Variants in TNN observed in about 807,000 individuals in gnomAD.
TNN encodes tenascin N.
A neutral mutation model predicts 134.4 loss-of-function variants in TNN; 122 were observed. That is an observed-to-expected ratio of 0.91 (90% CI 0.78 to 1.06). The LOEUF (loss-of-function observed/expected upper bound fraction) is 1.06, where lower values mean the gene tolerates loss of function less well. Among genes scored for constraint, TNN ranks in the 50% least tolerant of loss-of-function variants. The pLI is 0.00. For missense variants in TNN, 1,739 were observed against 1,699.4 expected (o/e 1.02, Z -0.41); for synonymous variants, 710 against 670.3 (o/e 1.06, Z -0.91).
At chr1:175,105,978 C>T (rs970761954) in intron 9 of TNN, among the ~76,000 whole-genome samples, 1 of 145,664 alleles carries the variant, frequency 6.9e-6, no homozygotes, top group African/African-American at 2.5e-5. Flanking sequence ...AATAGTTGCG[C>T]TCACCGACGC....
intron 12 of TNN, among the ~76,000 whole-genome samples, chr1:175,125,887 TTC>T (rs1235201341): frequency 4.1e-5 from 6 of 144,804 alleles, no homozygotes; most frequent in African/African-American, 1.5e-4. Flanking sequence ...TTTTCTTTTT[TTC>T]TTTCTTTCTC....
intron 9 of TNN, among the ~76,000 whole-genome samples, chr1:175,099,268 T>C (rs1386565388): frequency 6.6e-6 from 1 of 152,224 alleles, no homozygotes; most frequent in Non-Finnish European, 1.5e-5. Flanking sequence ...GCTTGCTGTA[T>C]GCAGTTTCTC....
chr1:175,100,309 G>T (rs1036620101), intron 9 of TNN, among the ~76,000 whole-genome samples: 3 of 152,208 alleles, frequency 2.0e-5, no homozygotes, highest in Non-Finnish European at 2.9e-5. Flanking sequence ...ACAACCAAAA[G>T]TGTCTCCAGA....
At chr1:175,100,624 G>A (rs931018299) in intron 9 of TNN, among the ~76,000 whole-genome samples, 9 of 152,142 alleles carry the variant, frequency 5.9e-5, no homozygotes, top group Non-Finnish European at 8.8e-5. Context: ...AAAGCAACAT[G>A]TGTAATAGGA....
At chr1:175,119,079 A>G (rs774948654) in intron 11 of TNN, among the ~76,000 whole-genome samples, 19 of 152,258 alleles carry the variant, frequency 1.2e-4, no homozygotes, top group South Asian at 8.3e-4. Context: ...GGGTTCTTGG[A>G]TCTTGTGCAA....
At chr1:175,095,490 T>C (rs33944382) in intron 7 of TNN, among the ~76,000 whole-genome samples, 68,460 of 152,054 alleles carry the variant, frequency 0.45, 15,472 homozygotes, top group Non-Finnish European at 0.48. Context: ...CCCTCCTGGT[T>C]TACATTACAC....
intron 6 of TNN, among the ~76,000 whole-genome samples, chr1:175,087,594 C>T (rs1289100087): frequency 6.6e-6 from 1 of 152,194 alleles, no homozygotes; most frequent in Admixed American, 6.5e-5. Context: ...TCTTCTCTTA[C>T]ACAGTCAACA....
chr1:175,129,241 G>C (rs1190795404), intron 15 of TNN, among the ~76,000 whole-genome samples: 1 of 152,206 alleles, frequency 6.6e-6, no homozygotes, highest in Non-Finnish European at 1.5e-5. Context: ...AACATTAGGA[G>C]TGCTTCTGTT....
At position 175,072,716 on chromosome 1, in the gene TNN, A is replaced by G. The variant is rs1217408482; in HGVS notation, c.-35-4668A>G. Among the ~76,000 whole-genome samples, 4 of 152,138 alleles carry G rather than the reference A, an allele frequency of 2.6e-5. No homozygotes were observed. In the East Asian group the frequency reaches 7.7e-4, roughly 29 times the overall value. ...CCCTTGCTCTCATCTTCTTTCGAAC[A>G]ATCAACCTACCCAGGAAAATCTGAG... On this transcript the variant is annotated intron_variant, in intron 1 of 18. Transcript: ENST00000239462.
chr1:175,127,298 A>C (rs1432345226), intron 13 of TNN, among the ~76,000 whole-genome samples: 1 of 152,226 alleles, frequency 6.6e-6, no homozygotes, highest in African/African-American at 2.4e-5. Flanking sequence ...TTATCACCAT[A>C]TCTAAAGTGC....
At chr1:175,146,431 A>C (rs2018318) in intron 18 of TNN, among the ~76,000 whole-genome samples, 118,850 of 152,120 alleles carry the variant, frequency 0.78, 46,800 homozygotes, top group Admixed American at 0.83. Context: ...AGTCAAAAGA[A>C]ATAAAATGAA....
chr1:175,084,405 G>A (rs1674278538), intron 5 of TNN, among the ~76,000 whole-genome samples: 1 of 152,134 alleles, frequency 6.6e-6, no homozygotes, highest in Non-Finnish European at 1.5e-5. Flanking sequence ...AGCAGGGGTG[G>A]CTCTCTGTCT....
chr1:175,068,077 T>A (rs1673836729), intron 1 of TNN, 142 bp downstream of exon 1: 4 of 390,730 alleles, frequency 1.0e-5, no homozygotes, highest in South Asian at 5.6e-5. Flanking sequence ...ATCACCTCCA[T>A]GAAGAGTTAA....
At chr1:175,089,524 A>G (rs924924292) in intron 6 of TNN, among the ~76,000 whole-genome samples, 4 of 152,222 alleles carry the variant, frequency 2.6e-5, no homozygotes, top group Non-Finnish European at 4.4e-5. Context: ...CCTGACAGCT[A>G]TGCTTCCCAT....
At chr1:175,091,657 C>A (rs992497616) in intron 6 of TNN, among the ~76,000 whole-genome samples, 1 of 151,148 alleles carries the variant, frequency 6.6e-6, no homozygotes. Context: ...TGCATGATCT[C>A]AGCTTACTGC....
At chr1:175,083,976 G>T in intron 5 of TNN, 41 bp downstream of exon 5, 1 of 1,596,296 alleles carries the variant, frequency 6.3e-7, no homozygotes, top group East Asian at 2.2e-5. Flanking sequence ...TGCTGTGGAT[G>T]CAGAGGTGGG....
At chr1:175,076,350 C>T (rs6693368) in intron 1 of TNN, among the ~76,000 whole-genome samples, 1 of 151,962 alleles carries the variant, frequency 6.6e-6, no homozygotes, top group East Asian at 1.9e-4. Context: ...CAAACCTCTC[C>T]GCATGTGTGA....
chr1:175,129,581 C>T (rs926272573), intron 15 of TNN, among the ~76,000 whole-genome samples: 1 of 151,656 alleles, frequency 6.6e-6, no homozygotes, highest in East Asian at 1.9e-4. Context: ...TTACCTTCTT[C>T]AAAGCACTTC....
intron 1 of TNN, among the ~76,000 whole-genome samples, chr1:175,069,292 G>T (rs1673866220): frequency 1.3e-5 from 2 of 152,166 alleles, no homozygotes; most frequent in African/African-American, 4.8e-5. Flanking sequence ...GAATCAAGGT[G>T]ACAGTGTCAG....
Sources: allele counts gnomAD v4.1 joint callset (sites outside exome capture counted in the v4.1 genomes callset), GRCh38; gene constraint gnomAD v4.1.1; transcripts MANE v1.5; gene names NCBI Gene and HGNC (gene_info 2026-07-23, HGNC 2026-07-21).